CRPPA: variants seen among roughly 807,000 people sequenced by gnomAD.
The protein encoded by CRPPA is CDP-L-ribitol pyrophosphorylase A.
CRPPA carries 43 observed loss-of-function variants against 52.0 expected under a neutral mutation model. That is an observed-to-expected ratio of 0.83 (90% CI 0.65 to 1.07). CRPPA has a LOEUF of 1.07. CRPPA is among the 50% of genes least tolerant of loss of function. The pLI is 0.00. For synonymous variants in CRPPA, 250 were observed against 203.5 expected, an observed-to-expected ratio of 1.23 and a Z score of -1.94; for missense variants, 629 against 551.7, an observed-to-expected ratio of 1.14 and a Z score of -1.40.
intron 5 of CRPPA, among the ~76,000 whole-genome samples, chr7:16,286,044 A>AATATAT (rs1175134468): frequency 0.029 from 359 of 12,470 alleles, 3 homozygotes; most frequent in Non-Finnish European, 0.035. Context: ...AAAAAATATA[A>AATATAT]ATATATATAT....
intron 5 of CRPPA, among the ~76,000 whole-genome samples, chr7:16,294,149 CA>C (rs1363247623): frequency 5.3e-5 from 8 of 151,804 alleles, no homozygotes. Context: ...GAAGGAAAAG[CA>C]AAGTTCCAAG....
chr7:16,289,259 C>A (rs1319658935), intron 5 of CRPPA, among the ~76,000 whole-genome samples: 1 of 152,064 alleles, frequency 6.6e-6, no homozygotes, highest in Admixed American at 6.6e-5. Flanking sequence ...GATTCACTGT[C>A]GAGCTCTACC....
chr7:16,353,843 C>G (rs2128308198), intron 3 of CRPPA, among the ~76,000 whole-genome samples: 1 of 124,570 alleles, frequency 8.0e-6, no homozygotes, highest in East Asian at 2.2e-4. Flanking sequence ...AAGTGAGACT[C>G]CATCTCACAA....
rs533563319 is a variant in CRPPA at position 16,402,444 on chromosome 7, T to C, written c.534+3617A>G. 1.5e-3 allele frequency among the ~76,000 whole-genome samples: 228 copies of C among 152,200 alleles called. 2 individuals are homozygous for C. Among genetic ancestry groups the C allele is most frequent in the African/African-American group, 5.4e-3 (223 of 41,528 alleles). ...TGATAAAGTCTTGCCAAACATGGGC[T>C]TACAATCCAAATTATAAAACAAAGG... On this transcript the variant is annotated intron_variant, in intron 2 of 9. Coordinates refer to ENST00000407010, the MANE Select transcript of CRPPA (RefSeq NM_001101426.4).
chr7:16,180,512 T>C lies in CRPPA; in HGVS notation c.1251+35554A>G, dbSNP rs17169311. 9.2e-5 allele frequency among the ~76,000 whole-genome samples: 14 copies of C among 152,242 alleles called. No homozygotes were observed. The East Asian group carries it at 2.7e-3, about 29-fold the overall frequency. On this transcript the variant is annotated intron_variant, in intron 9 of 9. Coordinates refer to ENST00000407010, the MANE Select transcript of CRPPA (RefSeq NM_001101426.4). ...TAATGTAATGGTAGTTTCATCGATC[T>C]AGGCATAAGTGGTTGCTAATTTCTC...
chr7:16,290,394 C>T (rs1022109461), intron 5 of CRPPA, among the ~76,000 whole-genome samples: 2 of 151,934 alleles, frequency 1.3e-5, no homozygotes, highest in African/African-American at 4.8e-5. Flanking sequence ...ACTAACCTGA[C>T]TTCAAAATAC....
chr7:16,207,460 T>G (rs1781999989), intron 9 of CRPPA, among the ~76,000 whole-genome samples: 1 of 152,196 alleles, frequency 6.6e-6, no homozygotes, highest in African/African-American at 2.4e-5. Flanking sequence ...ATGGATTCCG[T>G]TAAACACTGC....
chr7:16,351,587 C>T (rs1047189732), intron 3 of CRPPA, among the ~76,000 whole-genome samples: 1 of 151,930 alleles, frequency 6.6e-6, no homozygotes, highest in African/African-American at 2.4e-5. Context: ...ACAAACAACC[C>T]CATCAAACAG....
At chr7:16,398,991 G>C (rs186567033) in intron 2 of CRPPA, among the ~76,000 whole-genome samples, 1 of 152,238 alleles carries the variant, frequency 6.6e-6, no homozygotes, top group Non-Finnish European at 1.5e-5. Context: ...GCCGGAATGT[G>C]ATTGACACTT....
At chr7:16,091,825 T>G in intron 9 of CRPPA, 26 bp from the exon 10 acceptor site, 1 of 1,328,270 alleles carries the variant, frequency 7.5e-7, no homozygotes, top group Non-Finnish European at 1.0e-6. Flanking sequence ...AAACCAGTAA[T>G]ATTTTAGAAA....
At chr7:16,216,850 AG>A (rs1249622517) in intron 8 of CRPPA, among the ~76,000 whole-genome samples, 2 of 152,198 alleles carry the variant, frequency 1.3e-5, no homozygotes, top group Non-Finnish European at 2.9e-5. Context: ...GCAAGGCGGC[AG>A]CGAGGCCGGG....
At chr7:16,260,337 CCAGAGTTA>C (rs1783762244) in intron 6 of CRPPA, among the ~76,000 whole-genome samples, 2 of 151,954 alleles carry the variant, frequency 1.3e-5, no homozygotes, top group Non-Finnish European at 2.9e-5. Flanking sequence ...ACTTGGCATT[CCAGAGTTA>C]TCTCTTGAGG....
At chr7:16,148,116 T>C (rs1783008820) in intron 9 of CRPPA, among the ~76,000 whole-genome samples, 1 of 152,190 alleles carries the variant, frequency 6.6e-6, no homozygotes, top group Admixed American at 6.5e-5. Flanking sequence ...TAATCTTATA[T>C]AGGATGTTAA....
At chr7:16,409,299 C>G (rs1398301164) in intron 1 of CRPPA, among the ~76,000 whole-genome samples, 1 of 152,182 alleles carries the variant, frequency 6.6e-6, no homozygotes, top group Non-Finnish European at 1.5e-5. Flanking sequence ...CTCAGTGAAA[C>G]TAAATTGAGA....
intron 3 of CRPPA, among the ~76,000 whole-genome samples, chr7:16,315,375 C>G (rs1451722873): frequency 6.6e-6 from 1 of 152,102 alleles, no homozygotes; most frequent in Non-Finnish European, 1.5e-5. Context: ...TTCTTATGCT[C>G]ACTATTTCTT....
At chr7:16,285,235 A>G (rs1052852452) in intron 5 of CRPPA, among the ~76,000 whole-genome samples, 1 of 152,174 alleles carries the variant, frequency 6.6e-6, no homozygotes, top group African/African-American at 2.4e-5. Flanking sequence ...TCATTTTACA[A>G]CCCAGAATTG....
chr7:16,120,851 G>C (rs1475806072), intron 9 of CRPPA, among the ~76,000 whole-genome samples: 2 of 137,814 alleles, frequency 1.5e-5, no homozygotes, highest in Admixed American at 1.6e-4. Flanking sequence ...ATTCTGAAAA[G>C]ATAAGGATTT....
chr7:16,280,550 C>A (rs1005761456), intron 5 of CRPPA, among the ~76,000 whole-genome samples: 5 of 152,090 alleles, frequency 3.3e-5, no homozygotes, highest in Non-Finnish European at 7.3e-5. Flanking sequence ...TAAAATAATG[C>A]ATAACATTAA....
Position 16,254,198 on chromosome 7 carries a change from G to T in CRPPA, c.1119+4192C>A, listed in dbSNP as rs142199038. Among the ~76,000 whole-genome samples the T allele has an allele frequency of 6.1e-4, 93 of 152,250 alleles. No individual in the cohort carries two copies. The East Asian group carries it at 0.016, about 26-fold the overall frequency. Reference sequence around the variant, plus strand: ...AGTGTGGCAATTCCTCAAGGATCTAGAACCAGAAATACCATTTAACCCAGA... The same window carrying T: ...AGTGTGGCAATTCCTCAAGGATCTATAACCAGAAATACCATTTAACCCAGA... On this transcript the variant is annotated intron_variant, in intron 8 of 9. Transcript: ENST00000407010.
Sources: gnomAD v4.1 joint callset for allele counts (sites outside exome capture counted in the v4.1 genomes callset) on GRCh38, gnomAD v4.1.1 for gene constraint, MANE v1.5 for transcripts, NCBI Gene and HGNC (gene_info 2026-07-23, HGNC 2026-07-21) for gene names.